The following SHISA9 variants were observed in gnomAD, a reference collection of about 807,000 sequenced individuals.
The protein encoded by SHISA9 is shisa family member 9, also known as protein shisa-9.
Under a neutral mutation model 38.0 loss-of-function variants are expected in SHISA9, and 13 were observed. That is an observed-to-expected ratio of 0.34 (90% confidence interval 0.22 to 0.54). SHISA9 has a LOEUF of 0.54. Ranked by LOEUF, SHISA9 falls within the 20% of genes least tolerant of loss-of-function variation. The probability of loss-of-function intolerance (pLI) is 0.91; values close to 1 mark genes in which losing one functional copy is unlikely to be tolerated. For missense variants in SHISA9, 538 were observed against 575.8 expected (o/e 0.93, Z 0.67); for synonymous variants, 275 against 242.0 (o/e 1.14, Z -1.27).
chr16:12,957,865 C>T (rs1047125263), intron 2 of SHISA9, among the ~76,000 whole-genome samples: 2 of 152,276 alleles, frequency 1.3e-5, no homozygotes, highest in African/African-American at 4.8e-5. Flanking sequence ...TTACATGATC[C>T]AGAGACAGAG....
the SHISA9 span, among the ~76,000 whole-genome samples, chr16:13,319,328 A>T: frequency 6.6e-6 from 1 of 152,146 alleles, no homozygotes; most frequent in African/African-American, 2.4e-5. Context: ...TTATTTTTAC[A>T]AAATGATCTC....
intron 2 of SHISA9, among the ~76,000 whole-genome samples, chr16:13,071,600 C>CCTTCCTTCCTTCCTT (rs372979908): frequency 7.6e-5 from 11 of 145,162 alleles, no homozygotes; most frequent in African/African-American, 2.1e-4. Context: ...TTCCTTCCTT[C>CCTTCCTTCCTTCCTT]CCTTTCTTCC....
chr16:13,426,094 G>A, the SHISA9 span, among the ~76,000 whole-genome samples: 1 of 152,174 alleles, frequency 6.6e-6, no homozygotes, highest in Non-Finnish European at 1.5e-5. Flanking sequence ...CCTTCCTTTT[G>A]TAATAGGAAC....
the SHISA9 span, among the ~76,000 whole-genome samples, chr16:13,298,696 C>T: frequency 1.4e-3 from 209 of 152,124 alleles, no homozygotes; most frequent in Non-Finnish European, 2.1e-3. Context: ...GGTCAGAGTT[C>T]GCCCTGTCAA....
intron 2 of SHISA9, among the ~76,000 whole-genome samples, chr16:13,189,970 A>T (rs1045639819): frequency 2.0e-5 from 3 of 152,186 alleles, no homozygotes; most frequent in Non-Finnish European, 4.4e-5. Context: ...GGCAGAAACT[A>T]AACAGCCATA....
intron 2 of SHISA9, among the ~76,000 whole-genome samples, chr16:12,993,597 A>G (rs1220321708): frequency 6.6e-6 from 1 of 152,200 alleles, no homozygotes; most frequent in Admixed American, 6.5e-5. Context: ...ACTGTGTTCA[A>G]TGCTAGTGAC....
the SHISA9 span, among the ~76,000 whole-genome samples, chr16:13,479,755 C>A: frequency 6.6e-6 from 1 of 152,156 alleles, no homozygotes; most frequent in South Asian, 2.1e-4. Context: ...GCATCCCATG[C>A]CATCGCAATA....
At chr16:13,287,780 A>G in the SHISA9 span, among the ~76,000 whole-genome samples, 2 of 152,220 alleles carry the variant, frequency 1.3e-5, no homozygotes, top group Admixed American at 6.5e-5. Context: ...AATTCAGCTG[A>G]ACAATGATAG....
the SHISA9 span, among the ~76,000 whole-genome samples, chr16:13,285,877 T>C: frequency 6.6e-6 from 1 of 152,142 alleles, no homozygotes; most frequent in Admixed American, 6.6e-5. Flanking sequence ...TTTCCAACTC[T>C]GTCAGGGGTT....
the SHISA9 span, among the ~76,000 whole-genome samples, chr16:13,430,851 C>T: frequency 6.7e-6 from 1 of 149,158 alleles, no homozygotes; most frequent in South Asian, 2.1e-4. Flanking sequence ...CCCAGGTGTT[C>T]GATGCTACAG....
chr16:13,510,294 G>C, the SHISA9 span, among the ~76,000 whole-genome samples: 4 of 152,186 alleles, frequency 2.6e-5, no homozygotes, highest in Non-Finnish European at 4.4e-5. Flanking sequence ...GGCGATAAGA[G>C]TGAGACTCTG....
chr16:13,544,429 G>T, the SHISA9 span, among the ~76,000 whole-genome samples: 357 of 101,854 alleles, frequency 3.5e-3, no homozygotes, highest in Middle Eastern at 7.2e-3. Context: ...TTTTTTTCTT[G>T]TTTTTTTTTT....
intron 2 of SHISA9, among the ~76,000 whole-genome samples, chr16:13,141,217 A>G (rs894408556): frequency 6.6e-6 from 1 of 152,090 alleles, no homozygotes; most frequent in African/African-American, 2.4e-5. Flanking sequence ...TCTTTTTTCT[A>G]CGCAGGTTTT....
the SHISA9 span, among the ~76,000 whole-genome samples, chr16:13,460,215 G>C: frequency 1.9e-4 from 29 of 152,236 alleles, no homozygotes; most frequent in Non-Finnish European, 4.0e-4. Context: ...CTGGGAGATG[G>C]GGGTCTATAT....
chr16:13,465,605 G>A, the SHISA9 span, among the ~76,000 whole-genome samples: 2 of 152,204 alleles, frequency 1.3e-5, no homozygotes, highest in Non-Finnish European at 2.9e-5. Context: ...TCAGGAAGGA[G>A]AAGGGGAAGG....
At chr16:13,517,686 A>G in the SHISA9 span, among the ~76,000 whole-genome samples, 1 of 152,138 alleles carries the variant, frequency 6.6e-6, no homozygotes, top group African/African-American at 2.4e-5. Context: ...AGTACATGGC[A>G]TTATGGTGGC....
the SHISA9 span, among the ~76,000 whole-genome samples, chr16:13,309,591 C>T: frequency 5.1e-4 from 74 of 143,756 alleles, no homozygotes; most frequent in South Asian, 0.014. Flanking sequence ...TGCAGTGAGC[C>T]GAGATCACGC....
intron 2 of SHISA9, among the ~76,000 whole-genome samples, chr16:12,973,246 C>T (rs1408754333): frequency 1.3e-5 from 2 of 152,232 alleles, no homozygotes; most frequent in Non-Finnish European, 2.9e-5. Flanking sequence ...AGAAAGTTTT[C>T]CTTTTGCCCT....
chr16:13,338,389 T>C, the SHISA9 span, among the ~76,000 whole-genome samples: 1 of 152,198 alleles, frequency 6.6e-6, no homozygotes, highest in Non-Finnish European at 1.5e-5. Context: ...TCATGAATAA[T>C]TGATAACAAC....
Sources: gnomAD v4.1 joint callset for allele counts (sites outside exome capture counted in the v4.1 genomes callset) on GRCh38, gnomAD v4.1.1 for gene constraint, MANE v1.5 for transcripts, NCBI Gene and HGNC (gene_info 2026-07-23, HGNC 2026-07-21) for gene names.